The following TBC1D22A variants were observed in gnomAD, a reference collection of about 807,000 sequenced individuals.
TBC1D22A encodes putative GTPase activator.
In TBC1D22A, 38 loss-of-function variants were observed where a neutral mutation model predicts 60.2. That is an observed-to-expected ratio of 0.63 (90% CI 0.49 to 0.83). The LOEUF is 0.83. Ranked by LOEUF, TBC1D22A falls within the 40% of genes least tolerant of loss-of-function variation. The probability of loss-of-function intolerance (pLI) is 0.00; values close to 1 mark genes in which losing one functional copy is unlikely to be tolerated. For missense variants in TBC1D22A, 628 were observed against 701.0 expected (o/e 0.90, Z 1.18); for synonymous variants, 302 against 281.7 (o/e 1.07, Z -0.72).
At chr22:46,842,745 T>C (rs569623454) in intron 4 of TBC1D22A, among the ~76,000 whole-genome samples, 2 of 152,234 alleles carry the variant, frequency 1.3e-5, no homozygotes, top group Non-Finnish European at 2.9e-5. Context: ...GCACACACTG[T>C]GTAGCCACGC....
intron 11 of TBC1D22A, among the ~76,000 whole-genome samples, chr22:47,047,590 C>T (rs1175815310): frequency 6.6e-6 from 1 of 152,246 alleles, no homozygotes; most frequent in Admixed American, 6.5e-5. Context: ...GCTGCCCCAA[C>T]CCTGGGCAAG....
chr22:46,864,568 C>T lies in TBC1D22A; in HGVS notation c.638-14085C>T, dbSNP rs561344650. ...TCCACAAACAGATTGGTGAGGAGCACACAATTCAGTAGATAAACGATAACA... is the reference window on the plus strand; with the variant it reads ...TCCACAAACAGATTGGTGAGGAGCATACAATTCAGTAGATAAACGATAACA... On this transcript the variant is annotated intron_variant, in intron 4 of 12. Coordinates refer to ENST00000337137, the MANE Select transcript of TBC1D22A (RefSeq NM_014346.5). 3.9e-5 allele frequency among the ~76,000 whole-genome samples: 6 copies of T among 152,358 alleles called. No homozygotes were observed. The South Asian group carries it at 8.3e-4, about 21-fold the overall frequency.
chr22:46,920,650 A>C (rs927055018), intron 8 of TBC1D22A, among the ~76,000 whole-genome samples: 1 of 152,144 alleles, frequency 6.6e-6, no homozygotes, highest in South Asian at 2.1e-4. Flanking sequence ...TGGATTAGAG[A>C]AACTCTGTTG....
chr22:47,076,412 T>C (rs868177266), intron 11 of TBC1D22A, among the ~76,000 whole-genome samples: 347 of 128,486 alleles, frequency 2.7e-3, no homozygotes, highest in African/African-American at 8.1e-3. Context: ...CACACACATA[T>C]ATATATATAT....
At chr22:46,991,180 A>G (rs2074925901) in intron 9 of TBC1D22A, among the ~76,000 whole-genome samples, 1 of 152,192 alleles carries the variant, frequency 6.6e-6, no homozygotes, top group South Asian at 2.1e-4. Context: ...AGAAGATCAG[A>G]GAAATGAACC....
At chr22:46,977,460 G>C (rs1260393065) in intron 9 of TBC1D22A, among the ~76,000 whole-genome samples, 1 of 152,154 alleles carries the variant, frequency 6.6e-6, no homozygotes, top group Non-Finnish European at 1.5e-5. Flanking sequence ...ATGGAGCAGG[G>C]GGAGTGGACA....
At chr22:46,933,625 T>TGG (rs1555955591) in intron 8 of TBC1D22A, among the ~76,000 whole-genome samples, 10 of 150,534 alleles carry the variant, frequency 6.6e-5, no homozygotes, top group African/African-American at 2.2e-4. Context: ...GAGAGACCAC[T>TGG]GGGGGGGGGT....
intron 12 of TBC1D22A, among the ~76,000 whole-genome samples, chr22:47,129,586 TC>T (rs1300302574): frequency 2.0e-5 from 3 of 152,208 alleles, no homozygotes; most frequent in Non-Finnish European, 4.4e-5. Flanking sequence ...GGCATACAAA[TC>T]TAGCCATTTT....
intron 4 of TBC1D22A, among the ~76,000 whole-genome samples, chr22:46,816,478 A>G (rs180950795): frequency 9.2e-5 from 14 of 152,340 alleles, no homozygotes; most frequent in Admixed American, 7.2e-4. Flanking sequence ...GATTAGGTAA[A>G]TTCTGTGGAG....
intron 1 of TBC1D22A, among the ~76,000 whole-genome samples, chr22:46,772,819 G>A (rs2083546915): frequency 6.6e-6 from 1 of 151,778 alleles, no homozygotes; most frequent in African/African-American, 2.4e-5. Flanking sequence ...GCTAATTTTT[G>A]TATTTTTACC....
chr22:46,801,974 C>T lies in TBC1D22A; in HGVS notation c.637+4354C>T, dbSNP rs117551710. On this transcript the variant is annotated intron_variant, in intron 4 of 12. Coordinates refer to ENST00000337137, the MANE Select transcript of TBC1D22A (RefSeq NM_014346.5). ...TTGGTGTCCGTGGCTCTAGGGCAGC[C>T]GTGAAGGGGCCTGGGCCCTTGGTGA... 6.6e-5 allele frequency among the ~76,000 whole-genome samples: 10 copies of T among 152,346 alleles called. No individual in the cohort carries two copies. The East Asian group carries it at 1.5e-3, about 24-fold the overall frequency.
intron 10 of TBC1D22A, among the ~76,000 whole-genome samples, chr22:47,014,186 C>T (rs1490060981): frequency 1.3e-5 from 2 of 152,250 alleles, no homozygotes; most frequent in Admixed American, 6.5e-5. Context: ...TGGCTTTCTG[C>T]AGCGGTGGCC....
chr22:47,098,990 C>T (rs936069504), intron 11 of TBC1D22A, among the ~76,000 whole-genome samples: 3 of 152,286 alleles, frequency 2.0e-5, no homozygotes, highest in South Asian at 2.1e-4. Flanking sequence ...TGCGGGGGCT[C>T]CTGAAGATGA....
At chr22:46,968,786 CT>C (rs548145127) in intron 8 of TBC1D22A, among the ~76,000 whole-genome samples, 1 of 152,232 alleles carries the variant, frequency 6.6e-6, no homozygotes, top group Non-Finnish European at 1.5e-5. Context: ...AATTTCTGCT[CT>C]TTGTTTCCCT....
chr22:46,917,460 G>GGAGCGTGAAC (rs1451111794), intron 8 of TBC1D22A, among the ~76,000 whole-genome samples: 1 of 152,140 alleles, frequency 6.6e-6, no homozygotes, highest in African/African-American at 2.4e-5. Flanking sequence ...TGAGTAGAGG[G>GGAGCGTGAAC]GAGCGTGAAC....
In TBC1D22A at chr22:47,029,608, C is replaced by T. The variant is rs117784685; in HGVS notation, c.1202-7463C>T. Among the ~76,000 whole-genome samples the T allele has an allele frequency of 5.9e-3, 901 of 152,332 alleles. 26 individuals are homozygous for T. Among genetic ancestry groups the T allele is most frequent in the Admixed American group, 0.044 (669 of 15,312 alleles). ...CTGCTGCCCGAAGGAGAAGACCTGC[C>T]GGCAGCCTCGATCTTGGCCAAGGCT... is the stretch of plus-strand genomic sequence containing the variant. On this transcript the variant is annotated intron_variant, in intron 10 of 12. Coordinates refer to ENST00000337137, the MANE Select transcript of TBC1D22A (RefSeq NM_014346.5).
intron 4 of TBC1D22A, among the ~76,000 whole-genome samples, chr22:46,801,232 A>C (rs928225266): frequency 7.2e-5 from 11 of 152,254 alleles, no homozygotes; most frequent in African/African-American, 2.7e-4. Context: ...GTAGCAAGAG[A>C]AAACATCGCC....
chr22:47,043,090 G>C (rs946360798), intron 11 of TBC1D22A, among the ~76,000 whole-genome samples: 2 of 152,246 alleles, frequency 1.3e-5, no homozygotes, highest in Non-Finnish European at 2.9e-5. Context: ...TGGGCCTGCT[G>C]TCGAGGGCTC....
intron 5 of TBC1D22A, among the ~76,000 whole-genome samples, chr22:46,882,144 C>T (rs1299151657): frequency 6.6e-6 from 1 of 152,186 alleles, no homozygotes; most frequent in Non-Finnish European, 1.5e-5. Flanking sequence ...GGGAGCTTTT[C>T]CCGATCCTGG....
Sources: gnomAD v4.1 joint callset for allele counts (sites outside exome capture counted in the v4.1 genomes callset) on GRCh38, gnomAD v4.1.1 for gene constraint, MANE v1.5 for transcripts, NCBI Gene and HGNC (gene_info 2026-07-23, HGNC 2026-07-21) for gene names.